ZNF644: variants seen among roughly 807,000 people sequenced by gnomAD.
The protein encoded by ZNF644 is zinc finger motif enhancer binding protein 2.
ZNF644 carries 20 observed loss-of-function variants against 108.0 expected under a neutral mutation model. That is an observed-to-expected ratio of 0.19 (90% CI 0.13 to 0.27). ZNF644 has a LOEUF of 0.27. Ranked by LOEUF, ZNF644 falls within the 10% of genes least tolerant of loss-of-function variation. The pLI is 1.00. For missense variants in ZNF644, 1,338 were observed against 1,548.9 expected (o/e 0.86, Z 2.29); for synonymous variants, 542 against 539.1 (o/e 1.01, Z -0.08).
At chr1:90,966,436 G>A (rs1418534634) in intron 2 of ZNF644, among the ~76,000 whole-genome samples, 2 of 152,008 alleles carry the variant, frequency 1.3e-5, no homozygotes, top group Admixed American at 6.6e-5. Context: ...TGAGCCATAG[G>A]TTAAGGTCTA....
At position 90,968,613 on chromosome 1, in the gene ZNF644, A is replaced by G. The variant is rs528103582; in HGVS notation, c.44+13697T>C. Among the ~76,000 whole-genome samples, 4 of 152,272 alleles carry G rather than the reference A, an allele frequency of 2.6e-5. No homozygotes were observed. In the South Asian group the frequency reaches 8.3e-4, roughly 32 times the overall value. On this transcript the variant is annotated intron_variant, in intron 2 of 5. Transcript: ENST00000337393. ...GACTATCTCCAGATTAAACTGTGTA[A>G]TTTTAACAGACAGTACAAATTTTTA...
In ZNF644 at chr1:90,985,195, A is replaced by G. The variant is rs558380755; in HGVS notation, c.-17-2825T>C. ...TATTAATTCTTAATTGACAAATACTAGTTGTATATATTATCTATTTATGGG... is the reference window on the plus strand; with the variant it reads ...TATTAATTCTTAATTGACAAATACTGGTTGTATATATTATCTATTTATGGG... On this transcript the variant is annotated intron_variant, in intron 1 of 5. Transcript: ENST00000337393. Among the ~76,000 whole-genome samples the G allele has an allele frequency of 6.6e-5, 10 of 152,296 alleles. No homozygotes were observed. In the South Asian group the frequency reaches 1.0e-3, roughly 16 times the overall value.
At position 90,940,062 on chromosome 1, in the gene ZNF644, T is replaced by C. The variant is rs1651785448; in HGVS notation, c.1292A>G (p.Tyr431Cys). 1 of 1,614,126 alleles carries C rather than the reference T, an allele frequency of 6.2e-7. No homozygotes were observed. Among genetic ancestry groups the C allele is most frequent in the Non-Finnish European group, 8.5e-7 (1 of 1,179,974 alleles). Residue 431 changes from tyrosine to cysteine, a missense_variant, in exon 3 of 6, where the codon TAT becomes TGT. By Grantham distance (194) the Tyr-to-Cys change is radical. Around this residue, in one of 6 missense-constraint regions of ZNF644, gnomAD observed 80 missense variants for 183.0 expected, o/e 0.44. Coordinates refer to ENST00000337393, the MANE Select transcript of ZNF644 (RefSeq NM_201269.3). ...EKKHLHRHMMYHLDGNSHFRH... is the reference protein window; with the variant it reads ...EKKHLHRHMMCHLDGNSHFRH... ...AAAGTGACTATTCCCATCTAAATGA[T>C]ACATCATATGCCTGTGGAGGTGCTT... is the stretch of plus-strand genomic sequence containing the variant.
At chr1:90,930,058 G>A (rs551692219) in intron 4 of ZNF644, among the ~76,000 whole-genome samples, 4 of 152,312 alleles carry the variant, frequency 2.6e-5, no homozygotes, top group Admixed American at 6.5e-5. Flanking sequence ...AAGCCCAGGC[G>A]GGTGGATCAC....
At position 90,916,943 on chromosome 1, in the gene ZNF644, C is replaced by T. The variant is rs746461397; in HGVS notation, c.3839G>A (p.Trp1280Ter). The T allele has an allele frequency of 6.2e-7, 1 of 1,614,160 alleles. No individual in the cohort carries two copies. The highest frequency in any genetic ancestry group is 8.5e-7 in the Non-Finnish European group (1 of 1,180,032). The change falls in exon 6 of 6, where the codon TGG (tryptophan) becomes TAG (stop). Residue 1280 changes from tryptophan (W) to a stop codon, truncating the protein, a stop_gained. Coordinates refer to ENST00000337393, the MANE Select transcript of ZNF644 (RefSeq NM_201269.3). LOFTEE classifies it high-confidence loss of function. The part of the protein sequence containing the change: ...FRGPLSVQED[W>*]IKHLQRHIVN... Reference sequence around the variant, plus strand: ...AATATGTCGTTGTAAGTGCTTAATCCAGTCTTCCTGAACAGACAAGGGTCC... The same window carrying T: ...AATATGTCGTTGTAAGTGCTTAATCTAGTCTTCCTGAACAGACAAGGGTCC...
chr1:90,938,530 C>A lies in ZNF644; in HGVS notation c.2824G>T (p.Ala942Ser), dbSNP rs1651593484. Residue 942 changes from alanine to serine, a missense_variant, in exon 3 of 6, where the codon GCA (alanine) becomes TCA (serine). Around this residue, in one of 6 missense-constraint regions of ZNF644, gnomAD observed 462 missense variants for 472.6 expected, o/e 0.98. Transcript: ENST00000337393. The surrounding 1 kb of genome is among the most constrained non-coding windows in gnomAD (Gnocchi z 4.2). ...CTATGCTTTGACAATGAAGCATCTGCAGTTTCTAAATGCTGAGGATCATGT... is the reference window on the plus strand; with the variant it reads ...CTATGCTTTGACAATGAAGCATCTGAAGTTTCTAAATGCTGAGGATCATGT... ...EIHDPQHLET[A>S]DASLSKHSSV... 1.2e-6 allele frequency: 2 copies of A among 1,613,944 alleles called. No homozygotes were observed. The highest frequency in any genetic ancestry group is 2.2e-5 in the South Asian group (2 of 91,066).
At chr1:91,005,294 A>T (rs972876435) in intron 1 of ZNF644, among the ~76,000 whole-genome samples, 2 of 152,172 alleles carry the variant, frequency 1.3e-5, no homozygotes, top group Non-Finnish European at 2.9e-5. Context: ...ACTTATAAAC[A>T]TGTGTACACC....
intron 2 of ZNF644, among the ~76,000 whole-genome samples, chr1:90,975,649 G>A (rs1655923956): frequency 6.6e-6 from 1 of 152,030 alleles, no homozygotes; most frequent in African/African-American, 2.4e-5. Flanking sequence ...TCACCACGTT[G>A]GCCAGGCTGG....
chr1:91,016,528 A>G (rs1660447655), intron 1 of ZNF644, among the ~76,000 whole-genome samples: 1 of 152,224 alleles, frequency 6.6e-6, no homozygotes, highest in South Asian at 2.1e-4. Context: ...ATAGAACATA[A>G]AATACAGTAA....
chr1:90,985,549 T>G (rs543888322), intron 1 of ZNF644, among the ~76,000 whole-genome samples: 5 of 152,306 alleles, frequency 3.3e-5, no homozygotes, highest in African/African-American at 1.2e-4. Flanking sequence ...TAAGTTAGAT[T>G]ACGTGGTGTT....
At chr1:91,014,374 G>A (rs1356788534) in intron 1 of ZNF644, among the ~76,000 whole-genome samples, 1 of 151,946 alleles carries the variant, frequency 6.6e-6, no homozygotes, top group Non-Finnish European at 1.5e-5. Flanking sequence ...GTAATTAAGT[G>A]CCATTTAATT....
At chr1:90,983,393 A>G (rs543457030) in intron 1 of ZNF644, among the ~76,000 whole-genome samples, 28 of 151,738 alleles carry the variant, frequency 1.8e-4, no homozygotes, top group Non-Finnish European at 4.0e-4. Context: ...GTCTATTATA[A>G]ACGACTGAGT....
At chr1:90,966,609 G>T (rs749826473) in intron 2 of ZNF644, among the ~76,000 whole-genome samples, 4 of 151,992 alleles carry the variant, frequency 2.6e-5, no homozygotes, top group Non-Finnish European at 4.4e-5. Flanking sequence ...AATTAGCCAG[G>T]TGTGGTGGCG....
chr1:90,961,018 A>G (rs1045355675), intron 2 of ZNF644, among the ~76,000 whole-genome samples: 4 of 152,172 alleles, frequency 2.6e-5, no homozygotes, highest in African/African-American at 9.6e-5. Flanking sequence ...AAAGGGTACA[A>G]TAGAAAGTGT....
Position 91,003,121 on chromosome 1 carries a change from G to A in ZNF644, c.-18+18869C>T, listed in dbSNP as rs1659051326. 2.0e-5 allele frequency among the ~76,000 whole-genome samples: 3 copies of A among 152,306 alleles called. No homozygotes were observed. The South Asian group carries it at 6.2e-4, about 32-fold the overall frequency. On this transcript the variant is annotated intron_variant, in intron 1 of 5. Coordinates refer to ENST00000337393, the MANE Select transcript of ZNF644 (RefSeq NM_201269.3). Reference sequence around the variant, plus strand: ...CTTCAACCATTGTGGAAGACAGCGTGGTGATTCCTCAAGGATCTAGAACTA... The same window carrying A: ...CTTCAACCATTGTGGAAGACAGCGTAGTGATTCCTCAAGGATCTAGAACTA...
rs1332976297 is a variant in ZNF644, at chr1:90,964,735, T to C, written c.44+17575A>G. On this transcript the variant is annotated intron_variant, in intron 2 of 5. Coordinates refer to ENST00000337393, the MANE Select transcript of ZNF644 (RefSeq NM_201269.3). ...ATACTGGAATGGAAAAATCAATCTTTTGACAAATTTAAATAAGACTGTGAA... is the reference window on the plus strand; with the variant it reads ...ATACTGGAATGGAAAAATCAATCTTCTGACAAATTTAAATAAGACTGTGAA... Among the ~76,000 whole-genome samples the C allele has an allele frequency of 2.0e-5, 3 of 152,164 alleles. 1 individual carries two copies. Among genetic ancestry groups the C allele is most frequent in the Middle Eastern group, 6.3e-3 (2 of 316 alleles).
chr1:91,007,225 GTTTTTTTT>G (rs35761791), intron 1 of ZNF644, among the ~76,000 whole-genome samples: 4 of 55,998 alleles, frequency 7.1e-5, no homozygotes, highest in South Asian at 7.2e-4. Context: ...CTCCCATTTT[GTTTTTTTT>G]TTTTTTTTTT....
chr1:91,019,553 A>C (rs1490505026), intron 1 of ZNF644, among the ~76,000 whole-genome samples: 1 of 152,168 alleles, frequency 6.6e-6, no homozygotes, highest in Non-Finnish European at 1.5e-5. Context: ...AACCAAGTTA[A>C]CCACAGAATA....
chr1:90,942,033 G>T (rs1279539016), intron 2 of ZNF644, among the ~76,000 whole-genome samples: 2 of 151,958 alleles, frequency 1.3e-5, no homozygotes, highest in Non-Finnish European at 2.9e-5. Flanking sequence ...CTTTAGTAAA[G>T]TTAACTAAAT....
Sources: allele counts gnomAD v4.1 joint callset (sites outside exome capture counted in the v4.1 genomes callset), GRCh38; gene constraint gnomAD v4.1.1; regional missense constraint gnomAD v4.1.1; non-coding constraint Gnocchi (gnomAD v3.1); transcripts MANE v1.5; gene names NCBI Gene and HGNC (gene_info 2026-07-23, HGNC 2026-07-21).